PSD2: variants seen among roughly 807,000 people sequenced by gnomAD.
PSD2 encodes pleckstrin and Sec7 domain containing 2, also known as PH and SEC7 domain-containing protein 2.
Under a neutral mutation model 69.8 loss-of-function variants are expected in PSD2, and 38 were observed. That is an observed-to-expected ratio of 0.54 (90% CI 0.42 to 0.71). PSD2 has a LOEUF of 0.71. PSD2 is among the 30% of genes least tolerant of loss of function. PSD2 has a pLI of 0.00. For missense variants in PSD2, 943 were observed against 1,014.5 expected (o/e 0.93, Z 0.96); for synonymous variants, 412 against 423.0 (o/e 0.97, Z 0.32).
At chr5:139,762,678 G>A in the PSD2 span, among the ~76,000 whole-genome samples, 1 of 152,172 alleles carries the variant, frequency 6.6e-6, no homozygotes, top group Non-Finnish European at 1.5e-5. Flanking sequence ...TTTTTAGCGT[G>A]TCCAAGAGAG....
intron 7 of PSD2, among the ~76,000 whole-genome samples, chr5:139,828,764 TG>T (rs1760495855): frequency 1.3e-5 from 2 of 152,216 alleles, no homozygotes; most frequent in Middle Eastern, 6.8e-3. Flanking sequence ...CTGGCTCCTG[TG>T]GGGCAAAGGC....
the PSD2 span, among the ~76,000 whole-genome samples, chr5:139,761,174 T>C: frequency 6.6e-6 from 1 of 152,176 alleles, no homozygotes; most frequent in South Asian, 2.1e-4. Flanking sequence ...CTCAGTTTTT[T>C]GCCTGATCCA....
chr5:139,839,877 G>C lies in PSD2; in HGVS notation c.1969-150G>C. ...AGGTGGGAGGAAGAGCATGCCCTCA[G>C]GTCCAGAGTCTGGCTCTGTCCCCAC... On this transcript the variant is annotated intron_variant, in intron 13 of 14. Transcript: ENST00000274710. This position sits in a 1 kb window ranked among gnomAD's most constrained non-coding sequence, Gnocchi z 5.1. The C allele has an allele frequency of 1.3e-6, 1 of 776,766 alleles. No homozygotes were observed. The highest frequency in any genetic ancestry group is 2.1e-6 in the Non-Finnish European group (1 of 477,710). 48.1% of individuals were successfully genotyped at this position (776,766 alleles called of 1,614,324 possible).
intron 14 of PSD2, among the ~76,000 whole-genome samples, chr5:139,840,699 T>G (rs1463848307): frequency 3.3e-5 from 5 of 151,978 alleles, no homozygotes; most frequent in African/African-American, 1.2e-4. Flanking sequence ...TACAGGCACA[T>G]GCCACCATGC....
At chr5:139,824,032 G>A (rs1178188368) in intron 7 of PSD2, among the ~76,000 whole-genome samples, 1 of 152,234 alleles carries the variant, frequency 6.6e-6, no homozygotes, top group African/African-American at 2.4e-5. Context: ...CATTCCATAT[G>A]AATGTCACTC....
chr5:139,762,179 A>G, the PSD2 span, among the ~76,000 whole-genome samples: 1 of 151,776 alleles, frequency 6.6e-6, no homozygotes, highest in Non-Finnish European at 1.5e-5. Flanking sequence ...AGTAGCTAGG[A>G]CTATAGGTGT....
the PSD2 span, among the ~76,000 whole-genome samples, chr5:139,789,305 A>C: frequency 6.6e-6 from 1 of 152,178 alleles, no homozygotes; most frequent in Non-Finnish European, 1.5e-5. Flanking sequence ...ACAGTATGAC[A>C]TGTGCTGTGA....
At chr5:139,784,088 C>T in the PSD2 span, among the ~76,000 whole-genome samples, 3 of 151,658 alleles carry the variant, frequency 2.0e-5, no homozygotes, top group South Asian at 2.1e-4. Context: ...ACTACAGGCA[C>T]GCACCACCAC....
the PSD2 span, among the ~76,000 whole-genome samples, chr5:139,787,747 CG>C: frequency 6.6e-6 from 1 of 152,228 alleles, no homozygotes; most frequent in Non-Finnish European, 1.5e-5. Flanking sequence ...TCCCGCTGCA[CG>C]GGGACCCGTG....
the PSD2 span, among the ~76,000 whole-genome samples, chr5:139,751,016 C>T: frequency 6.6e-6 from 1 of 152,198 alleles, no homozygotes; most frequent in Non-Finnish European, 1.5e-5. Flanking sequence ...AGGCCTCTCC[C>T]ATGGGGATCC....
At chr5:139,752,929 A>C in the PSD2 span, among the ~76,000 whole-genome samples, 132,865 of 150,070 alleles carry the variant, frequency 0.89, 58,863 homozygotes, top group East Asian at 0.9. Context: ...TCTTTGACCA[A>C]CCCCTCCGCC....
intron 1 of PSD2, among the ~76,000 whole-genome samples, chr5:139,799,743 GT>G (rs2126923064): frequency 6.6e-6 from 1 of 152,204 alleles, no homozygotes; most frequent in South Asian, 2.1e-4. Flanking sequence ...GAGTTGTGTG[GT>G]TTGGGGGCCC....
the PSD2 span, among the ~76,000 whole-genome samples, chr5:139,766,250 G>A: frequency 6.6e-6 from 1 of 152,234 alleles, no homozygotes; most frequent in African/African-American, 2.4e-5. Flanking sequence ...GGCGATACAG[G>A]ATTGGTGGCA....
chr5:139,783,234 A>G, the PSD2 span, among the ~76,000 whole-genome samples: 3 of 152,178 alleles, frequency 2.0e-5, no homozygotes, highest in African/African-American at 7.2e-5. Context: ...CAGGAGTTCA[A>G]GGTCAGCTTG....
chr5:139,753,235 A>G, the PSD2 span, among the ~76,000 whole-genome samples: 1 of 152,174 alleles, frequency 6.6e-6, no homozygotes, highest in South Asian at 2.1e-4. Flanking sequence ...TTTGGACACG[A>G]GAAGGGACTT....
At chr5:139,829,725 T>C (rs1019446420) in intron 7 of PSD2, among the ~76,000 whole-genome samples, 1 of 152,270 alleles carries the variant, frequency 6.6e-6, no homozygotes, top group Non-Finnish European at 1.5e-5. Flanking sequence ...TTTATTTATC[T>C]GTTCATCTCT....
chr5:139,786,326 G>C, the PSD2 span, among the ~76,000 whole-genome samples: 1 of 152,064 alleles, frequency 6.6e-6, no homozygotes, highest in African/African-American at 2.4e-5. Context: ...GGTTGAGACC[G>C]GAGCGAACAA....
rs181571875 is a variant in PSD2 at position 139,838,766 on chromosome 5, C to T, written c.1962C>T (p.Leu654=). The T allele has an allele frequency of 6.2e-7, 1 of 1,612,052 alleles. No homozygotes were observed. The highest frequency in any genetic ancestry group is 8.5e-7 in the Non-Finnish European group (1 of 1,179,066). The change falls in exon 13 of 15, where the codon CTC becomes CTT. Residue 654 remains leucine, a synonymous_variant. Transcript: ENST00000274710. ...TGCTGCCCTCCTGCACCACCCGCCT[C>T]TGCCAGGTACATGTTCCTGGGTCAA... The part of the protein sequence containing the change: ...RPLLPSCTTR[L]CQEEQLRSHE...
At chr5:139,777,312 T>C in the PSD2 span, among the ~76,000 whole-genome samples, 3 of 152,298 alleles carry the variant, frequency 2.0e-5, no homozygotes, top group Middle Eastern at 3.4e-3. Context: ...ATATCCCCAA[T>C]CCTACCACCC....
Sources: gnomAD v4.1 joint callset for allele counts (sites outside exome capture counted in the v4.1 genomes callset) on GRCh38, gnomAD v4.1.1 for gene constraint, Gnocchi (gnomAD v3.1) non-coding constraint, MANE v1.5 for transcripts, NCBI Gene and HGNC (gene_info 2026-07-23, HGNC 2026-07-21) for gene names.